Variants in SPMIP2 observed in about 807,000 individuals in gnomAD.
SPMIP2 encodes the protein protein SPMIP2.
the SPMIP2 span, among the ~76,000 whole-genome samples, chr4:158,921,847 C>T: frequency 4.5e-3 from 680 of 151,168 alleles, 4 homozygotes; most frequent in African/African-American, 0.015. Context: ...ACTTCTTCTA[C>T]TACAGTGATA....
the SPMIP2 span, chr4:158,960,384 T>A: frequency 3.2e-6 from 4 of 1,233,638 alleles, no homozygotes; most frequent in Non-Finnish European, 4.6e-6. Flanking sequence ...AATTCCAAAG[T>A]AAAGAGGTGG....
chr4:158,915,370 A>G, the SPMIP2 span: 2 of 1,598,814 alleles, frequency 1.3e-6, no homozygotes, highest in Non-Finnish European at 1.7e-6. Flanking sequence ...CTGGAATAGG[A>G]ACAAATTGGT....
chr4:158,932,320 G>T, the SPMIP2 span, among the ~76,000 whole-genome samples: 1 of 152,062 alleles, frequency 6.6e-6, no homozygotes, highest in Non-Finnish European at 1.5e-5. Context: ...ACAAAAGTTA[G>T]CCAGGCATAG....
At chr4:159,013,434 C>T in the SPMIP2 span, among the ~76,000 whole-genome samples, 23 of 152,178 alleles carry the variant, frequency 1.5e-4, no homozygotes, top group African/African-American at 5.1e-4. Context: ...CTCACAGTTA[C>T]GGAGCCTGAA....
chr4:158,987,305 C>T, the SPMIP2 span, among the ~76,000 whole-genome samples: 6 of 152,240 alleles, frequency 3.9e-5, no homozygotes, highest in East Asian at 1.2e-3. Flanking sequence ...GGATTATAAA[C>T]CATGCTGCTA....
chr4:158,965,026 A>G, the SPMIP2 span, among the ~76,000 whole-genome samples: 2 of 152,318 alleles, frequency 1.3e-5, no homozygotes, highest in African/African-American at 2.4e-5. Context: ...AAACCCTATC[A>G]GGCCACAAAC....
chr4:158,969,876 G>T, the SPMIP2 span, among the ~76,000 whole-genome samples: 1 of 152,218 alleles, frequency 6.6e-6, no homozygotes, highest in African/African-American at 2.4e-5. Context: ...AGACACTGAG[G>T]AGTCTCTGCA....
chr4:158,982,260 C>T, the SPMIP2 span, among the ~76,000 whole-genome samples: 81 of 152,222 alleles, frequency 5.3e-4, no homozygotes, highest in African/African-American at 1.7e-3. Context: ...TGTAAAGTCT[C>T]CCACTATTAT....
the SPMIP2 span, among the ~76,000 whole-genome samples, chr4:158,911,376 A>AAATAAATAAATAAATAAAT: frequency 6.1e-5 from 9 of 147,140 alleles, no homozygotes; most frequent in South Asian, 1.7e-3. Flanking sequence ...ATAAATAAAT[A>AAATAAATAAATAAATAAAT]AATAAATAAA....
the SPMIP2 span, among the ~76,000 whole-genome samples, chr4:159,020,403 C>T: frequency 1.3e-4 from 20 of 152,068 alleles, no homozygotes; most frequent in African/African-American, 4.6e-4. Context: ...ACAGGGATGA[C>T]GGTTATGGTA....
chr4:159,043,534 A>G, the SPMIP2 span, among the ~76,000 whole-genome samples: 1 of 152,110 alleles, frequency 6.6e-6, no homozygotes, highest in Non-Finnish European at 1.5e-5. Context: ...TTTTTAGTAG[A>G]GACGGGGTTT....
At chr4:158,988,118 AC>A in the SPMIP2 span, among the ~76,000 whole-genome samples, 1 of 152,146 alleles carries the variant, frequency 6.6e-6, no homozygotes, top group Non-Finnish European at 1.5e-5. Flanking sequence ...AAACAGCTGT[AC>A]GCAAATAAAC....
chr4:158,920,413 G>A, the SPMIP2 span, among the ~76,000 whole-genome samples: 6 of 152,268 alleles, frequency 3.9e-5, no homozygotes, highest in South Asian at 2.1e-4. Flanking sequence ...ATAAATGGAC[G>A]TGCAAGTAGG....
chr4:158,956,837 A>G, the SPMIP2 span, among the ~76,000 whole-genome samples: 1 of 152,082 alleles, frequency 6.6e-6, no homozygotes, highest in Non-Finnish European at 1.5e-5. Context: ...AGCTCTCCAT[A>G]ATTACATTTG....
chr4:158,896,073 G>A, the SPMIP2 span, among the ~76,000 whole-genome samples: 19 of 152,190 alleles, frequency 1.2e-4, no homozygotes, highest in African/African-American at 4.1e-4. Context: ...ACAATCAATC[G>A]CAGGACTTTA....
At chr4:158,911,974 G>GA in the SPMIP2 span, among the ~76,000 whole-genome samples, 5 of 152,008 alleles carry the variant, frequency 3.3e-5, no homozygotes, top group South Asian at 1.0e-3. Flanking sequence ...TTGTATGAAG[G>GA]AAAAAAACTA....
chr4:158,935,275 T>C, the SPMIP2 span, among the ~76,000 whole-genome samples: 17 of 152,300 alleles, frequency 1.1e-4, no homozygotes, highest in African/African-American at 3.6e-4. Context: ...ACTCTTCTTT[T>C]AATTTCCCAC....
At chr4:159,037,359 A>G in the SPMIP2 span, among the ~76,000 whole-genome samples, 1 of 151,652 alleles carries the variant, frequency 6.6e-6, no homozygotes, top group African/African-American at 2.4e-5. Context: ...CACAAGTAAC[A>G]TATTTACATA....
chr4:158,918,996 TTTG>T, the SPMIP2 span, among the ~76,000 whole-genome samples: 1 of 152,244 alleles, frequency 6.6e-6, no homozygotes, highest in Admixed American at 6.5e-5. Context: ...ACTTTTCGTT[TTTG>T]TTGTTTTTTG....
Sources: allele counts gnomAD v4.1 joint callset (sites outside exome capture counted in the v4.1 genomes callset), GRCh38; gene constraint gnomAD v4.1.1; transcripts MANE v1.5; gene names NCBI Gene and HGNC (gene_info 2026-07-23, HGNC 2026-07-21).